Variants in FTO observed in about 807,000 individuals in gnomAD.
The protein encoded by FTO is FTO alpha-ketoglutarate dependent dioxygenase.
FTO carries 47 observed loss-of-function variants against 63.9 expected under a neutral mutation model. That is an observed-to-expected ratio of 0.74 (90% CI 0.58 to 0.94). The LOEUF (loss-of-function observed/expected upper bound fraction) is 0.94. Among genes scored for constraint, FTO ranks in the 40% least tolerant of loss-of-function variants. FTO has a pLI of 0.00. For synonymous variants in FTO, 207 were observed against 224.4 expected (o/e 0.92, Z 0.69); for missense variants, 562 against 618.1 (o/e 0.91, Z 0.96).
chr16:54,080,975 A>G (rs1236025952), intron 8 of FTO, among the ~76,000 whole-genome samples: 2 of 152,240 alleles, frequency 1.3e-5, no homozygotes, highest in African/African-American at 2.4e-5. Flanking sequence ...TGAAACCCAC[A>G]AGCGAAGCAA....
At chr16:54,025,446 G>A (rs1185775614) in intron 8 of FTO, among the ~76,000 whole-genome samples, 1 of 152,178 alleles carries the variant, frequency 6.6e-6, no homozygotes, top group East Asian at 1.9e-4. Context: ...TTTTTGGCCA[G>A]GTGTGGTGGC....
chr16:53,889,290 T>G (rs1329957107), intron 7 of FTO, among the ~76,000 whole-genome samples: 1 of 152,174 alleles, frequency 6.6e-6, no homozygotes, highest in Non-Finnish European at 1.5e-5. Flanking sequence ...CTTTAAAAAA[T>G]TTTTACAGCA....
chr16:53,860,524 G>A (rs2080140656), intron 4 of FTO, among the ~76,000 whole-genome samples: 1 of 152,142 alleles, frequency 6.6e-6, no homozygotes, highest in African/African-American at 2.4e-5. Flanking sequence ...CATCTGCTTG[G>A]CTTCTAGGGA....
intron 8 of FTO, among the ~76,000 whole-genome samples, chr16:54,002,953 TG>T (rs1308534450): frequency 6.6e-6 from 1 of 152,218 alleles, no homozygotes; most frequent in African/African-American, 2.4e-5. Flanking sequence ...CATCCTCCCC[TG>T]GGGGGCTCTG....
At chr16:54,096,743 G>A (rs2144578108) in intron 8 of FTO, among the ~76,000 whole-genome samples, 1 of 152,312 alleles carries the variant, frequency 6.6e-6, no homozygotes, top group South Asian at 2.1e-4. Context: ...TGTTATTTAT[G>A]TGGTTGTGTG....
rs1380039888 is a variant in FTO at position 53,952,795 on chromosome 16, T to G, written c.1364+18686T>G. 3.9e-5 allele frequency among the ~76,000 whole-genome samples: 6 copies of G among 152,322 alleles called. No individual in the cohort carries two copies. The East Asian group carries it at 7.7e-4, about 20-fold the overall frequency. ...GTCCCAGAGCTAGACCTAATGCACA[T>G]GTTTGAAGTTCTTCTGTGACTCTCG... is the stretch of plus-strand genomic sequence containing the variant. On this transcript the variant is annotated intron_variant, in intron 8 of 8. Coordinates refer to ENST00000471389, the MANE Select transcript of FTO (RefSeq NM_001080432.3).
At chr16:53,984,321 CTTTTTTT>C (rs5816913) in intron 8 of FTO, among the ~76,000 whole-genome samples, 12 of 67,290 alleles carry the variant, frequency 1.8e-4, no homozygotes, top group Non-Finnish European at 2.8e-4. Context: ...TGGAATGGGT[CTTTTTTT>C]TTTTTTTTTT....
chr16:53,902,618 A>G (rs2081431025), intron 7 of FTO, among the ~76,000 whole-genome samples: 1 of 152,146 alleles, frequency 6.6e-6, no homozygotes, highest in African/African-American at 2.4e-5. Flanking sequence ...CTCACCCAGC[A>G]TTCATTCCTC....
intron 8 of FTO, among the ~76,000 whole-genome samples, chr16:54,037,916 A>C (rs1467073245): frequency 2.6e-5 from 4 of 152,214 alleles, no homozygotes; most frequent in African/African-American, 9.7e-5. Flanking sequence ...CACCATCATT[A>C]AATTATTTTA....
At chr16:54,085,085 C>T (rs1430113166) in intron 8 of FTO, among the ~76,000 whole-genome samples, 3 of 152,180 alleles carry the variant, frequency 2.0e-5, no homozygotes, top group Non-Finnish European at 4.4e-5. Flanking sequence ...GAAATATTGT[C>T]AACGCTATTG....
intron 8 of FTO, among the ~76,000 whole-genome samples, chr16:53,947,484 T>C (rs568565644): frequency 6.6e-6 from 1 of 152,300 alleles, no homozygotes; most frequent in Admixed American, 6.5e-5. Context: ...AAGCTATTAG[T>C]GGCAGCACTT....
At chr16:53,709,829 T>TG (rs2075723699) in intron 1 of FTO, among the ~76,000 whole-genome samples, 1 of 152,182 alleles carries the variant, frequency 6.6e-6, no homozygotes. Flanking sequence ...ATCAGTCCTC[T>TG]TTACCCCTAA....
At position 53,826,112 on chromosome 16, in the gene FTO, T is replaced by C. The variant is rs752587241; in HGVS notation, c.372T>C (p.Asn124=). ...FTVPWPVKGS[N]IKHTEAEIAA... ...TCCCCTGGCCAGTGAAAGGGTCTAA[T>C]ATAAAACACACCGAGGCTGAAATAG... Residue 124 remains asparagine, a synonymous_variant, in exon 3 of 9, where the codon AAT becomes AAC. Coordinates refer to ENST00000471389, the MANE Select transcript of FTO (RefSeq NM_001080432.3). 1.7e-5 allele frequency: 27 copies of C among 1,614,146 alleles called. No homozygotes were observed. The Admixed American group carries it at 3.8e-4, about 23-fold the overall frequency.
intron 1 of FTO, among the ~76,000 whole-genome samples, chr16:53,773,441 G>T (rs75677255): frequency 0.011 from 1,623 of 152,168 alleles, 33 homozygotes; most frequent in African/African-American, 0.037. Context: ...ATTGGTACAG[G>T]GCATAGTGTA....
rs372222599 is a variant in FTO, at chr16:54,119,307, G to C, written c.*7392G>C. 5.5e-4 allele frequency: 84 copies of C among 152,272 alleles called. No individual in the cohort carries two copies. Among genetic ancestry groups the C allele is most frequent in the African/African-American group, 1.9e-3 (79 of 41,552 alleles). The allele number at this position is 152,272 out of a possible 1,614,324, so 9.4% of individuals were successfully genotyped here. A position where few individuals can be genotyped will look rare whatever the true frequency, so the allele number is the denominator to read the frequency against. ...TCAAATAGGGAATTCGGCTTTCCAC[G>C]TTGGAACCAGAACAGTTAACCTTCA... On this transcript the variant is annotated 3_prime_UTR_variant, in exon 9 of 9. Coordinates refer to ENST00000471389, the MANE Select transcript of FTO (RefSeq NM_001080432.3).
At chr16:54,083,680 C>T (rs1328038701) in intron 8 of FTO, among the ~76,000 whole-genome samples, 4 of 152,142 alleles carry the variant, frequency 2.6e-5, no homozygotes, top group South Asian at 2.1e-4. Context: ...CCCTCCCTAC[C>T]GCCATTATGG....
intron 1 of FTO, among the ~76,000 whole-genome samples, chr16:53,713,301 G>A (rs895178521): frequency 1.3e-5 from 2 of 152,098 alleles, no homozygotes; most frequent in African/African-American, 4.8e-5. Flanking sequence ...CAGATTTAGA[G>A]TATTTTGTTG....
intron 7 of FTO, among the ~76,000 whole-genome samples, chr16:53,909,931 A>G (rs1388506010): frequency 6.6e-6 from 1 of 151,996 alleles, no homozygotes; most frequent in Admixed American, 6.6e-5. Context: ...AGACTAGAGT[A>G]CAGTGGTATA....
chr16:53,974,608 G>C (rs2083395195), intron 8 of FTO, among the ~76,000 whole-genome samples: 1 of 151,754 alleles, frequency 6.6e-6, no homozygotes, highest in East Asian at 1.9e-4. Flanking sequence ...TACAGCAATA[G>C]CATATAACGA....
Sources: allele counts gnomAD v4.1 joint callset (sites outside exome capture counted in the v4.1 genomes callset), GRCh38; gene constraint gnomAD v4.1.1; transcripts MANE v1.5; gene names NCBI Gene and HGNC (gene_info 2026-07-23, HGNC 2026-07-21).